Variants in HAP1 observed in about 807,000 individuals in gnomAD.
HAP1 encodes the protein huntingtin-associated protein 1.
HAP1 carries 59 observed loss-of-function variants against 60.3 expected under a neutral mutation model. The ratio of observed to expected loss-of-function variants is 0.98; its 90% CI spans 0.79 to 1.22. The LOEUF (loss-of-function observed/expected upper bound fraction) is 1.22, where lower values mean the gene tolerates loss of function less well. Ranked by LOEUF, HAP1 falls within the 50% of genes most tolerant of loss-of-function variation. HAP1 has a pLI of 0.00. For missense variants in HAP1, 825 were observed against 785.3 expected, an observed-to-expected ratio of 1.05 and a Z score of -0.60; for synonymous variants, 346 against 330.6, an observed-to-expected ratio of 1.05 and a Z score of -0.50.
chr17:41,731,801 C>A (rs1267726819), intron 4 of HAP1, 58 bp from the exon 5 acceptor site: 3 of 1,274,532 alleles, frequency 2.4e-6, no homozygotes, highest in South Asian at 2.4e-5. Flanking sequence ...CAGTTCCCAG[C>A]CCACCAGGGC....
At chr17:41,719,016 T>C (rs7503765), downstream of HAP1, among the ~76,000 whole-genome samples, 125,990 of 152,062 alleles carry the variant, frequency 0.83, 52,485 homozygotes, top group Middle Eastern at 0.93. Flanking sequence ...TCTTGCTCTG[T>C]CACCCAGGCT....
rs1162563636 is a variant in HAP1, at chr17:41,729,549, C to CAAAAAAAAAAAA, written c.1070-1230_1070-1219dup. Among the ~76,000 whole-genome samples, 143 of 63,102 alleles carry CAAAAAAAAAAAA rather than the reference C, an allele frequency of 2.3e-3. 46 individuals are homozygous for CAAAAAAAAAAAA. Among genetic ancestry groups the CAAAAAAAAAAAA allele is most frequent in the Middle Eastern group, 0.04 (2 of 50 alleles). 41.4% of individuals were successfully genotyped at this position (63,102 alleles called of 152,430 possible). On this transcript the variant is annotated intron_variant, in intron 6 of 10. Transcript: ENST00000347901. Reference sequence around the variant, plus strand: ...TGGGTTACAGAGGGAGCCTCCTTCTCAAAAAAAAAAAAAAAAAAAAAAAAA... The same window carrying CAAAAAAAAAAAA: ...TGGGTTACAGAGGGAGCCTCCTTCTCAAAAAAAAAAAAAAAAAAAAAAAAAAAAAAAAAAAAA...
At chr17:41,725,968 G>C in intron 9 of HAP1, 71 bp from the exon 10 acceptor site, 1 of 1,172,650 alleles carries the variant, frequency 8.5e-7, no homozygotes, top group Non-Finnish European at 1.3e-6. Context: ...GCTTGGTCAA[G>C]CTGAAGAACC....
chr17:41,728,269 CAT>C lies in HAP1; in HGVS notation c.1130_1131del (p.Tyr377Ter), dbSNP rs782012132. ...CGAGCGACCTCCTGCTGCTGCCGTTCATAGTTTTCCAGCCTGAGCACCAGCAC... is the reference window on the plus strand; with the variant it reads ...CGAGCGACCTCCTGCTGCTGCCGTTCAGTTTTCCAGCCTGAGCACCAGCAC... ...SEVLVLRLEN[Y>X]ERQQQEVARL... On this transcript the variant is annotated frameshift_variant, in exon 7 of 11. Transcript: ENST00000347901. LOFTEE classifies it high-confidence loss of function. 169 of 1,613,602 alleles carry C rather than the reference CAT, an allele frequency of 1.0e-4. No individual in the cohort carries two copies. Among genetic ancestry groups the C allele is most frequent in the Middle Eastern group, 1.6e-4 (1 of 6,084 alleles).
rs1912247970 is a variant in HAP1 at position 41,732,035 on chromosome 17, T to G, written c.798A>C (p.Glu266Asp). The G allele has an allele frequency of 6.3e-7, 1 of 1,582,094 alleles. No individual in the cohort carries two copies. Among genetic ancestry groups the G allele is most frequent in the African/African-American group, 1.3e-5 (1 of 74,294 alleles). The change falls in exon 4 of 11, where the codon GAA (glutamate) becomes GAC (aspartate). Residue 266 changes from glutamate (E) to aspartate (D), a missense_variant. By Grantham distance (45) the Glu-to-Asp change is conservative. Coordinates refer to ENST00000347901, the MANE Select transcript of HAP1 (RefSeq NM_177977.3). ...YSDSDEEDED[E>D]EEEEEEKEAE... ...CCTCCTTTTCTTCCTCCTCCTCTTC[T>G]TCATCCTCATCCTCCTCATCAGAAT...
rs151108506 is a variant in HAP1, at chr17:41,725,129, G to A, written c.1432C>T (p.Arg478Ter). 1.1e-5 allele frequency: 17 copies of A among 1,597,386 alleles called. No individual in the cohort carries two copies. The highest frequency in any genetic ancestry group is 2.2e-5 in the South Asian group (2 of 89,124). ...GCCTCAAACCCCCGCACCTGCTCTC[G>A]ATCCTCACTGTAGCGAAAATCATAC... ...LRYDFRYSED[R>*]EQVRGFEAEE... Residue 478 changes from arginine to a stop codon, truncating the protein, a stop_gained, in exon 11 of 11, where the codon CGA becomes TGA. Coordinates refer to ENST00000347901, the MANE Select transcript of HAP1 (RefSeq NM_177977.3). LOFTEE classifies it low-confidence loss of function (END_TRUNC).
chr17:41,734,642 C>A lies in HAP1; in HGVS notation c.-8G>T. The A allele has an allele frequency of 6.8e-7, 1 of 1,470,688 alleles. No homozygotes were observed. Among genetic ancestry groups the A allele is most frequent in the Non-Finnish European group, 9.0e-7 (1 of 1,109,988 alleles). The allele number at this position is 1,470,688 out of a possible 1,614,324, so 91.1% of individuals were successfully genotyped here. ...CAACCTCTTCGGGCGCATCTCGAGT[C>A]TGCCGTCCGCTGCTGCGGCGGGACC... On this transcript the variant is annotated 5_prime_UTR_variant, in exon 1 of 11. Coordinates refer to ENST00000347901, the MANE Select transcript of HAP1 (RefSeq NM_177977.3).
At chr17:41,717,791 G>T, downstream of HAP1, 1 of 281,836 alleles carries the variant, frequency 3.5e-6, no homozygotes. Flanking sequence ...AGGAAACTGG[G>T]AGCGTGACAA....
At chr17:41,725,442 T>G (rs1311963612) in intron 10 of HAP1, among the ~76,000 whole-genome samples, 1 of 152,160 alleles carries the variant, frequency 6.6e-6, no homozygotes, top group African/African-American at 2.4e-5. Flanking sequence ...CCCTCCTGCA[T>G]GATTTAACCT....
In HAP1 at chr17:41,728,182, C is replaced by A; in HGVS notation, c.1200+19G>T. The A allele has an allele frequency of 6.2e-7, 1 of 1,607,098 alleles. No homozygotes were observed. Among genetic ancestry groups the A allele is most frequent in the South Asian group, 1.1e-5 (1 of 91,052 alleles). The stretch of plus-strand genomic sequence containing the variant: ...CCCATGGGGCCACGACAAGAGGGTT[C>A]CACACACACCCGACTCACCATCCGG... On this transcript the variant is annotated intron_variant, in intron 7 of 10. Coordinates refer to ENST00000347901, the MANE Select transcript of HAP1 (RefSeq NM_177977.3).
rs894443895 is a variant in HAP1 at position 41,731,962 on chromosome 17, C to T, written c.871G>A (p.Ala291Thr). 1.0e-6 allele frequency: 1 copy of T among 997,582 alleles called. No homozygotes were observed. 61.8% of individuals were successfully genotyped at this position (997,582 alleles called of 1,614,324 possible). ...AGCTTAGGGGCATCACAGGGATGAGCACACTGCAGGTCTTCCTCTGCTTCT... is the reference window on the plus strand; with the variant it reads ...AGCTTAGGGGCATCACAGGGATGAGTACACTGCAGGTCTTCCTCTGCTTCT... ...EEEAEEDLQC[A>T]HPCDAPKLIS... Residue 291 changes from alanine to threonine, a missense_variant, in exon 4 of 11, where the codon GCT becomes ACT. Coordinates refer to ENST00000347901, the MANE Select transcript of HAP1 (RefSeq NM_177977.3).
At chr17:41,720,484 C>G (rs531533601), downstream of HAP1, among the ~76,000 whole-genome samples, 2 of 152,134 alleles carry the variant, frequency 1.3e-5, no homozygotes, top group African/African-American at 4.8e-5. Context: ...CATGAGCCAC[C>G]GTGCCCAGCC....
downstream of HAP1, chr17:41,722,266 C>G (rs1324817087): frequency 6.6e-6 from 1 of 152,394 alleles, no homozygotes; most frequent in African/African-American, 2.4e-5. Flanking sequence ...TTCCTAAACC[C>G]TGTTCCAGGT....
Position 41,723,968 on chromosome 17 carries a change from C to A in HAP1, c.*733G>T, listed in dbSNP as rs1555587767. On this transcript the variant is annotated 3_prime_UTR_variant, in exon 11 of 11. Coordinates refer to ENST00000347901, the MANE Select transcript of HAP1 (RefSeq NM_177977.3). ...ACCAATGGGGACACATCACCTGCCA[C>A]GGAATGAGGCTGATGGGAGCTGATG... 2 of 152,338 alleles carry A rather than the reference C, an allele frequency of 1.3e-5. No individual in the cohort carries two copies. Among genetic ancestry groups the A allele is most frequent in the African/African-American group, 2.4e-5 (1 of 41,456 alleles). 9.4% of individuals were successfully genotyped at this position (152,338 alleles called of 1,614,324 possible).
downstream of HAP1, among the ~76,000 whole-genome samples, chr17:41,719,327 C>A (rs1405877918): frequency 6.6e-6 from 1 of 152,096 alleles, no homozygotes; most frequent in African/African-American, 2.4e-5. Flanking sequence ...AATATGAAAA[C>A]CATGGATTGA....
In HAP1 at chr17:41,731,738, G is replaced by A. The variant is rs369714614; in HGVS notation, c.902C>T (p.Ser301Leu). ...GTGCTGGTGCAGCAATGCCTCCTGC[G>A]AAATCCTAGGGGAGGGAGGAATGGG... is the stretch of plus-strand genomic sequence containing the variant. ...AHPCDAPKLI[S>L]QEALLHQHHC... Residue 301 changes from serine to leucine, a missense_variant, in exon 5 of 11, where the codon TCG becomes TTG. Ser to Leu is a moderately radical substitution (Grantham distance 145, BLOSUM62 -2). Transcript: ENST00000347901. 93 of 1,610,744 alleles carry A rather than the reference G, an allele frequency of 5.8e-5. No homozygotes were observed. Among genetic ancestry groups the A allele is most frequent in the South Asian group, 6.6e-5 (6 of 90,992 alleles).
In HAP1 at chr17:41,728,310, G is replaced by A. The variant is rs1911853556; in HGVS notation, c.1091C>T (p.Ala364Val). 2 of 1,613,524 alleles carry A rather than the reference G, an allele frequency of 1.2e-6. No individual in the cohort carries two copies. Among genetic ancestry groups the A allele is most frequent in the East Asian group, 2.2e-5 (1 of 44,878 alleles). ...GAGCACCAGCACCTCCGACAGCTCAGCCATCTGTTGGCTGGCCTCCGCTGG... is the reference window on the plus strand; with the variant it reads ...GAGCACCAGCACCTCCGACAGCTCAACCATCTGTTGGCTGGCCTCCGCTGG... ...EQFSEASQQM[A>V]ELSEVLVLRL... The change falls in exon 7 of 11, where the codon GCT becomes GTT. Residue 364 changes from alanine to valine, a missense_variant. Physicochemically the swap from Ala to Val is moderately conservative, Grantham distance 64. Coordinates refer to ENST00000347901, the MANE Select transcript of HAP1 (RefSeq NM_177977.3).
intron 8 of HAP1, 69 bp downstream of exon 8, chr17:41,727,693 G>A: frequency 9.9e-7 from 1 of 1,006,186 alleles, no homozygotes; most frequent in South Asian, 1.3e-5. Flanking sequence ...TAGCTGCCAA[G>A]GGCCTGGGGT....
downstream of HAP1, chr17:41,721,087 C>T (rs567875659): frequency 6.6e-6 from 1 of 152,226 alleles, no homozygotes; most frequent in East Asian, 1.9e-4. Flanking sequence ...GTGTGAGCCA[C>T]CTCACCCAGG....
Sources: gnomAD v4.1 joint callset for allele counts (sites outside exome capture counted in the v4.1 genomes callset) on GRCh38, gnomAD v4.1.1 for gene constraint, MANE v1.5 for transcripts, NCBI Gene and HGNC (gene_info 2026-07-23, HGNC 2026-07-21) for gene names.